The following SPAG16 variants were observed in gnomAD, a reference collection of about 807,000 sequenced individuals.
SPAG16 encodes the protein sperm-associated antigen 16 protein.
Under a neutral mutation model 80.4 loss-of-function variants are expected in SPAG16, and 86 were observed. That is an observed-to-expected ratio of 1.07 (90% CI 0.90 to 1.28). The LOEUF is 1.28. Among genes scored for constraint, SPAG16 ranks in the 50% most tolerant of loss-of-function variants. The pLI is 0.00. For missense variants in SPAG16, 870 were observed against 765.3 expected (o/e 1.14, Z -1.61); for synonymous variants, 294 against 265.9 (o/e 1.11, Z -1.03).
At position 213,622,296 on chromosome 2, in the gene SPAG16, G is replaced by A. The variant is rs981899500; in HGVS notation, c.1070+132206G>A. On this transcript the variant is annotated intron_variant, in intron 10 of 15. Coordinates refer to ENST00000331683, the MANE Select transcript of SPAG16 (RefSeq NM_024532.5). The stretch of plus-strand genomic sequence containing the variant: ...AGGACCTTCAGGCCTCTCAAAAAAC[G>A]TGTCAAAGAACTGAAACTCATCAGA... Among the ~76,000 whole-genome samples, 10 of 152,234 alleles carry A rather than the reference G, an allele frequency of 6.6e-5. No individual in the cohort carries two copies. The South Asian group carries it at 1.2e-3, about 19-fold the overall frequency.
intron 10 of SPAG16, among the ~76,000 whole-genome samples, chr2:213,809,599 T>C (rs1191884941): frequency 6.6e-6 from 1 of 152,098 alleles, no homozygotes; most frequent in Non-Finnish European, 1.5e-5. Flanking sequence ...ATTTTCCCAA[T>C]GAAAACAAGC....
chr2:214,243,591 C>G (rs1689639473), intron 15 of SPAG16, among the ~76,000 whole-genome samples: 1 of 151,952 alleles, frequency 6.6e-6, no homozygotes, highest in African/African-American at 2.4e-5. Context: ...TAATTTCTGA[C>G]TATACATTAT....
chr2:213,369,774 T>C (rs758282253), intron 8 of SPAG16, among the ~76,000 whole-genome samples: 1 of 152,034 alleles, frequency 6.6e-6, no homozygotes, highest in Non-Finnish European at 1.5e-5. Flanking sequence ...GAGTGGAAGG[T>C]ACAGTGATTT....
At chr2:214,264,379 T>C (rs966034037) in intron 15 of SPAG16, among the ~76,000 whole-genome samples, 1 of 152,208 alleles carries the variant, frequency 6.6e-6, no homozygotes, top group African/African-American at 2.4e-5. Flanking sequence ...GCCAAGTGCA[T>C]TTCTGCTATG....
chr2:213,869,221 C>T (rs113496074), intron 11 of SPAG16, among the ~76,000 whole-genome samples: 2,753 of 132,782 alleles, frequency 0.021, 39 homozygotes, highest in Non-Finnish European at 0.033. Flanking sequence ...CCATTGAACT[C>T]TAGCCTGGGC....
At chr2:213,754,197 A>G (rs963581836) in intron 10 of SPAG16, among the ~76,000 whole-genome samples, 1 of 152,176 alleles carries the variant, frequency 6.6e-6, no homozygotes, top group Non-Finnish European at 1.5e-5. Flanking sequence ...CCACATCTTT[A>G]GACATACCAG....
At chr2:213,503,298 T>C (rs540316565) in intron 10 of SPAG16, among the ~76,000 whole-genome samples, 5 of 152,368 alleles carry the variant, frequency 3.3e-5, no homozygotes, top group Non-Finnish European at 4.4e-5. Context: ...GGTTTTGCTC[T>C]TTGCCTACCT....
intron 9 of SPAG16, among the ~76,000 whole-genome samples, chr2:213,489,499 AAATCAT>A (rs2074148481): frequency 6.6e-6 from 1 of 152,166 alleles, no homozygotes; most frequent in African/African-American, 2.4e-5. Flanking sequence ...TTTAAAAAGA[AAATCAT>A]AATCAATCAA....
chr2:214,131,717 A>G (rs974781146), intron 14 of SPAG16, among the ~76,000 whole-genome samples: 2 of 152,230 alleles, frequency 1.3e-5, no homozygotes, highest in Admixed American at 6.6e-5. Flanking sequence ...AAATGGCTAC[A>G]TACTGTATGA....
chr2:213,350,530 T>A lies in SPAG16; in HGVS notation c.647T>A (p.Leu216Ter). 6.5e-7 allele frequency: 1 copy of A among 1,540,932 alleles called. No homozygotes were observed. The highest frequency in any genetic ancestry group is 8.8e-7 in the Non-Finnish European group (1 of 1,142,592). The change falls in exon 7 of 16, where the codon TTG (leucine) becomes TAG (stop). Residue 216 changes from leucine (L) to a stop codon, truncating the protein, a stop_gained and splice_region_variant. Coordinates refer to ENST00000331683, the MANE Select transcript of SPAG16 (RefSeq NM_024532.5). LOFTEE classifies it high-confidence loss of function. ...KNKLINDLKG[L>*]KLHYASYEPT... ...GCTATTGACTTTATTTTTTATAGGT[T>A]GAAGTTACATTATGCATCTTATGAA...
chr2:214,105,908 C>T (rs921025133), intron 13 of SPAG16, among the ~76,000 whole-genome samples: 3 of 152,002 alleles, frequency 2.0e-5, no homozygotes, highest in Admixed American at 6.6e-5. Context: ...CATTTATCTT[C>T]GAGTCAGGTT....
At chr2:214,340,712 T>A (rs56892491) in intron 15 of SPAG16, among the ~76,000 whole-genome samples, 4,527 of 152,256 alleles carry the variant, frequency 0.03, 228 homozygotes, top group African/African-American at 0.1. Flanking sequence ...ATGGCATATA[T>A]GGATTCTTTG....
intron 12 of SPAG16, among the ~76,000 whole-genome samples, chr2:214,006,818 A>ACTCACGAGCAGATTTCTTACC (rs1345261502): frequency 1.3e-5 from 2 of 152,110 alleles, no homozygotes; most frequent in African/African-American, 4.8e-5. Flanking sequence ...TAAGCCAGTG[A>ACTCACGAGCAGATTTCTTACC]CTCACGAGCA....
chr2:213,327,689 A>G (rs1389417167), intron 5 of SPAG16, among the ~76,000 whole-genome samples: 1 of 152,118 alleles, frequency 6.6e-6, no homozygotes, highest in African/African-American at 2.4e-5. Context: ...GACGTTCACA[A>G]AATTTTAAAT....
chr2:213,296,151 G>A (rs749307841), intron 2 of SPAG16, 41 bp downstream of exon 2: 8 of 1,372,762 alleles, frequency 5.8e-6, no homozygotes, highest in Non-Finnish European at 7.2e-6. Flanking sequence ...TAAATTTATT[G>A]CAGTCATTCT....
intron 15 of SPAG16, among the ~76,000 whole-genome samples, chr2:214,325,925 C>T (rs1203880069): frequency 2.0e-5 from 3 of 152,114 alleles, no homozygotes; most frequent in African/African-American, 7.2e-5. Context: ...CCTCCATGAG[C>T]ATAGGAATCA....
chr2:213,867,264 A>G (rs2075726232), intron 11 of SPAG16, among the ~76,000 whole-genome samples: 1 of 152,228 alleles, frequency 6.6e-6, no homozygotes, highest in Non-Finnish European at 1.5e-5. Flanking sequence ...AGCTGTTGAA[A>G]GTGATTCATC....
At chr2:213,734,157 C>A (rs1458447640) in intron 10 of SPAG16, among the ~76,000 whole-genome samples, 1 of 152,106 alleles carries the variant, frequency 6.6e-6, no homozygotes, top group Non-Finnish European at 1.5e-5. Flanking sequence ...GGTTACCTAA[C>A]AGTTTTCATT....
At chr2:213,586,321 C>T (rs1022815074) in intron 10 of SPAG16, among the ~76,000 whole-genome samples, 14 of 152,138 alleles carry the variant, frequency 9.2e-5, no homozygotes, top group African/African-American at 3.1e-4. Flanking sequence ...TGACACATTC[C>T]ATGTCTAGTG....
Sources: allele counts gnomAD v4.1 joint callset (sites outside exome capture counted in the v4.1 genomes callset), GRCh38; gene constraint gnomAD v4.1.1; transcripts MANE v1.5; gene names NCBI Gene and HGNC (gene_info 2026-07-23, HGNC 2026-07-21).